DNAJB14: variants seen among roughly 807,000 people sequenced by gnomAD.
DNAJB14 encodes dnaJ homolog subfamily B member 14.
Under a neutral mutation model 48.4 loss-of-function variants are expected in DNAJB14, and 22 were observed. The observed-to-expected ratio is 0.45, with a 90% CI of 0.32 to 0.65. The LOEUF is 0.65. Ranked by LOEUF, DNAJB14 falls within the 30% of genes least tolerant of loss-of-function variation. The pLI is 0.03. For missense variants in DNAJB14, 319 were observed against 458.8 expected, an observed-to-expected ratio of 0.70 and a Z score of 2.78; for synonymous variants, 142 against 158.7, an observed-to-expected ratio of 0.89 and a Z score of 0.79.
chr4:99,905,002 TTA>T (rs1470815464), intron 6 of DNAJB14, among the ~76,000 whole-genome samples: 1 of 152,162 alleles, frequency 6.6e-6, no homozygotes, highest in African/African-American at 2.4e-5. Context: ...CTGATTTTTA[TTA>T]TTTTTTCTTT....
intron 3 of DNAJB14, among the ~76,000 whole-genome samples, chr4:99,909,995 C>T (rs915626851): frequency 1.3e-5 from 2 of 152,100 alleles, no homozygotes; most frequent in Admixed American, 1.3e-4. Flanking sequence ...TCTTGCAATA[C>T]AGAATATTTT....
rs1159626329 is a variant in DNAJB14, at chr4:99,923,196, G to A, written c.306-11C>T. On this transcript the variant is annotated splice_polypyrimidine_tract_variant and intron_variant, in intron 2 of 7. Coordinates refer to ENST00000442697, the MANE Select transcript of DNAJB14 (RefSeq NM_001031723.4). ...TTACATTTGTTTATGCTGTGAACAA[G>A]AGAGTGTGTTATAATGTAAATTTCA... The A allele has an allele frequency of 6.2e-7, 1 of 1,602,318 alleles. No homozygotes were observed. Among genetic ancestry groups the A allele is most frequent in the Non-Finnish European group, 8.5e-7 (1 of 1,174,924 alleles).
chr4:99,913,923 A>G (rs1000163952), intron 3 of DNAJB14, among the ~76,000 whole-genome samples: 96 of 152,168 alleles, frequency 6.3e-4, no homozygotes, highest in African/African-American at 2.1e-3. Context: ...CTATAGGCTG[A>G]AAAGTTTGTG....
At chr4:99,926,375 T>G (rs998385877) in intron 2 of DNAJB14, 2 of 152,172 alleles carry the variant, frequency 1.3e-5, no homozygotes, top group African/African-American at 4.8e-5. Flanking sequence ...AGATCAAATG[T>G]GATGAATGCT....
chr4:99,919,524 C>T (rs751167790), intron 3 of DNAJB14, among the ~76,000 whole-genome samples: 6 of 152,048 alleles, frequency 3.9e-5, no homozygotes, highest in Admixed American at 1.3e-4. Flanking sequence ...GCAGAGGTTG[C>T]GGTGAGCTGA....
chr4:99,940,225 G>T (rs1261612229), intron 1 of DNAJB14, among the ~76,000 whole-genome samples: 1 of 152,002 alleles, frequency 6.6e-6, no homozygotes, highest in Non-Finnish European at 1.5e-5. Context: ...AAAACAAATA[G>T]ATTTTTTCTT....
chr4:99,945,241 C>G (rs576920255), intron 1 of DNAJB14, among the ~76,000 whole-genome samples: 2 of 152,268 alleles, frequency 1.3e-5, no homozygotes, highest in South Asian at 4.1e-4. Flanking sequence ...TAACTCTTTT[C>G]TTTCATTTTA....
intron 5 of DNAJB14, chr4:99,906,113 T>G: frequency 7.6e-7 from 1 of 1,313,724 alleles, no homozygotes; most frequent in African/African-American, 1.5e-5. Context: ...TCTAGTCTAG[T>G]GCTCTTTCCA....
chr4:99,932,718 T>C (rs182603934), intron 1 of DNAJB14, among the ~76,000 whole-genome samples: 1 of 152,206 alleles, frequency 6.6e-6, no homozygotes, highest in Admixed American at 6.5e-5. Context: ...TTATTCACAA[T>C]GGCAAAAAGA....
chr4:99,920,755 GC>G (rs1361030298), intron 3 of DNAJB14, among the ~76,000 whole-genome samples: 2 of 151,972 alleles, frequency 1.3e-5, no homozygotes, highest in Non-Finnish European at 2.9e-5. Context: ...TATTTTTAAA[GC>G]TTTACAAAAC....
chr4:99,929,179 G>C (rs1310192508), intron 2 of DNAJB14: 3 of 152,296 alleles, frequency 2.0e-5, no homozygotes, highest in Admixed American at 2.0e-4. Context: ...TGCAACCTCT[G>C]CCTCTTGAGT....
chr4:99,906,451 A>G, intron 5 of DNAJB14, 66 bp downstream of exon 5: 1 of 1,476,178 alleles, frequency 6.8e-7, no homozygotes, highest in African/African-American at 1.4e-5. Flanking sequence ...CCCTCTTTTC[A>G]GACAACTCTA....
At chr4:99,901,643 T>TA (rs548708917) in intron 7 of DNAJB14, among the ~76,000 whole-genome samples, 21 of 152,026 alleles carry the variant, frequency 1.4e-4, no homozygotes, top group African/African-American at 4.3e-4. Context: ...GGAACACAGA[T>TA]AAAAAAAATG....
chr4:99,923,291 C>T, intron 2 of DNAJB14, 106 bp from the exon 3 acceptor site: 2 of 1,056,014 alleles, frequency 1.9e-6, no homozygotes, highest in Non-Finnish European at 2.6e-6. Context: ...TCTGTGGACT[C>T]TTTCTCAAAA....
At chr4:99,920,325 T>G (rs1726009186) in intron 3 of DNAJB14, among the ~76,000 whole-genome samples, 2 of 152,192 alleles carry the variant, frequency 1.3e-5, no homozygotes, top group Admixed American at 1.3e-4. Context: ...TTAAACTCTT[T>G]GTTCTTAGAG....
intron 7 of DNAJB14, among the ~76,000 whole-genome samples, chr4:99,903,434 TA>T (rs1208098679): frequency 6.6e-6 from 1 of 152,012 alleles, no homozygotes; most frequent in Non-Finnish European, 1.5e-5. Flanking sequence ...TGGTGGTACA[TA>T]AAAGAATGAT....
chr4:99,937,256 G>A (rs1265911348), intron 1 of DNAJB14, among the ~76,000 whole-genome samples: 2 of 151,990 alleles, frequency 1.3e-5, no homozygotes, highest in African/African-American at 2.4e-5. Context: ...GGTGGAGCTC[G>A]CAGTGAGCCG....
At chr4:99,942,409 C>A (rs1170467575) in intron 1 of DNAJB14, 3 of 152,016 alleles carry the variant, frequency 2.0e-5, no homozygotes, top group African/African-American at 7.2e-5. Flanking sequence ...GTACCCCTCT[C>A]TGAAAATCCA....
intron 3 of DNAJB14, among the ~76,000 whole-genome samples, chr4:99,909,494 C>G (rs1186938096): frequency 6.6e-6 from 1 of 151,998 alleles, no homozygotes. Flanking sequence ...TCCATAAAGA[C>G]AGGGACTGTG....
Sources: allele counts gnomAD v4.1 joint callset (sites outside exome capture counted in the v4.1 genomes callset), GRCh38; gene constraint gnomAD v4.1.1; transcripts MANE v1.5; gene names NCBI Gene and HGNC (gene_info 2026-07-23, HGNC 2026-07-21).